SIPA1L3: variants seen among roughly 807,000 people sequenced by gnomAD.
SIPA1L3 encodes the protein signal-induced proliferation-associated 1-like protein 3.
In SIPA1L3, 59 loss-of-function variants were observed where a neutral mutation model predicts 150.1. That is an observed-to-expected ratio of 0.39 (90% CI 0.32 to 0.49). SIPA1L3 has a LOEUF of 0.49. SIPA1L3 is among the 20% of genes least tolerant of loss of function. The probability of loss-of-function intolerance (pLI) is 0.86; values close to 1 mark genes in which losing one functional copy is unlikely to be tolerated. For synonymous variants in SIPA1L3, 1,070 were observed against 1,077.6 expected (o/e 0.99, Z 0.14); for missense variants, 2,211 against 2,489.5 (o/e 0.89, Z 2.38).
At chr19:37,910,333 C>T (rs1042322504) in intron 1 of SIPA1L3, among the ~76,000 whole-genome samples, 2 of 151,972 alleles carry the variant, frequency 1.3e-5, no homozygotes, top group African/African-American at 2.4e-5. Context: ...ACTTTGGAGG[C>T]TGAGGTGGGT....
At chr19:37,912,347 A>G (rs865816545) in intron 1 of SIPA1L3, among the ~76,000 whole-genome samples, 22 of 152,066 alleles carry the variant, frequency 1.4e-4, no homozygotes, top group African/African-American at 5.1e-4. Flanking sequence ...ACTCTATCCT[A>G]TATTAGTTGT....
chr19:38,104,551 TGTGA>T (rs1229558493), intron 6 of SIPA1L3, among the ~76,000 whole-genome samples: 3 of 151,966 alleles, frequency 2.0e-5, no homozygotes, highest in African/African-American at 7.2e-5. Context: ...AGCTGGCAGG[TGTGA>T]GTGTTAGTAT....
chr19:38,060,538 T>C (rs540693890), intron 2 of SIPA1L3, among the ~76,000 whole-genome samples: 9 of 152,286 alleles, frequency 5.9e-5, no homozygotes, highest in Admixed American at 5.9e-4. Flanking sequence ...GCCCCAGTGG[T>C]GAGGACAGAA....
chr19:38,128,117 T>C (rs1256993908), intron 9 of SIPA1L3, among the ~76,000 whole-genome samples: 1 of 138,490 alleles, frequency 7.2e-6, no homozygotes, highest in Non-Finnish European at 1.5e-5. Flanking sequence ...TGCAGTAGCG[T>C]GATCTCGGCT....
At chr19:38,111,469 T>C (rs992261168) in intron 8 of SIPA1L3, among the ~76,000 whole-genome samples, 3 of 152,176 alleles carry the variant, frequency 2.0e-5, no homozygotes, top group African/African-American at 7.2e-5. Context: ...ACAGTCTTAT[T>C]TATAGTCTGA....
At chr19:38,179,851 T>C (rs1350815171) in intron 15 of SIPA1L3, among the ~76,000 whole-genome samples, 1 of 152,146 alleles carries the variant, frequency 6.6e-6, no homozygotes, top group African/African-American at 2.4e-5. Context: ...ACTTTTTTTT[T>C]CTTTTTTTTT....
chr19:37,976,761 CAG>C (rs138203554), intron 1 of SIPA1L3, among the ~76,000 whole-genome samples: 1,661 of 152,228 alleles, frequency 0.011, 30 homozygotes, highest in African/African-American at 0.037. Context: ...GTGTTTAGAA[CAG>C]TGTGTAGTGT....
At chr19:37,967,478 T>C (rs2046914676) in intron 1 of SIPA1L3, among the ~76,000 whole-genome samples, 1 of 152,124 alleles carries the variant, frequency 6.6e-6, no homozygotes, top group Non-Finnish European at 1.5e-5. Flanking sequence ...GATCTTGAAC[T>C]CCTGACCTCA....
Position 38,081,930 on chromosome 19 carries a change from A to G in SIPA1L3, c.365A>G (p.Asn122Ser), listed in dbSNP as rs1211541083. The G allele has an allele frequency of 6.2e-7, 1 of 1,614,114 alleles. No homozygotes were observed. The highest frequency in any genetic ancestry group is 8.5e-7 in the Non-Finnish European group (1 of 1,179,980). Residue 122 changes from asparagine to serine, a missense_variant, in exon 3 of 22, where the codon AAC becomes AGC. By Grantham distance (46) the Asn-to-Ser change is conservative (BLOSUM62 1). Coordinates refer to ENST00000222345, the MANE Select transcript of SIPA1L3 (RefSeq NM_015073.3). ...GCCCATTCCATGAGGAGCATACAGA[A>G]CGGACAGCCCCCCACCAGCACCCCG... is the stretch of plus-strand genomic sequence containing the variant. Reference protein sequence around the residue: ...KMAHSMRSIQNGQPPTSTPAS... With the variant: ...KMAHSMRSIQSGQPPTSTPAS...
chr19:38,158,361 A>G (rs540215480), intron 13 of SIPA1L3, among the ~76,000 whole-genome samples: 9 of 152,360 alleles, frequency 5.9e-5, no homozygotes, highest in South Asian at 4.1e-4. Flanking sequence ...GGATGAGAAC[A>G]TTCCAGGGAA....
At chr19:38,013,772 G>A (rs1410301225) in intron 1 of SIPA1L3, among the ~76,000 whole-genome samples, 2 of 152,150 alleles carry the variant, frequency 1.3e-5, no homozygotes, top group Non-Finnish European at 2.9e-5. Flanking sequence ...AAAAAACCCT[G>A]GAAATAAAAC....
intron 15 of SIPA1L3, among the ~76,000 whole-genome samples, chr19:38,172,043 T>C (rs934079557): frequency 5.9e-5 from 9 of 152,274 alleles, no homozygotes; most frequent in African/African-American, 2.2e-4. Context: ...GGTGGATTTG[T>C]GTTCCAAAAT....
chr19:38,077,946 T>C (rs1478694213), intron 2 of SIPA1L3, among the ~76,000 whole-genome samples: 1 of 152,096 alleles, frequency 6.6e-6, no homozygotes, highest in Non-Finnish European at 1.5e-5. Context: ...GCTGGGGTTA[T>C]AGGCATGAGC....
Position 38,207,690 on chromosome 19 carries a change from G to C in SIPA1L3, c.*1450G>C, listed in dbSNP as rs1233667436. 1.3e-5 allele frequency: 2 copies of C among 152,176 alleles called. No homozygotes were observed. Among genetic ancestry groups the C allele is most frequent in the Non-Finnish European group, 2.9e-5 (2 of 68,082 alleles). The allele number at this position is 152,176 out of a possible 1,614,324, so 9.4% of individuals were successfully genotyped here. A position where few individuals can be genotyped will look rare whatever the true frequency, so the allele number is the denominator to read the frequency against. On this transcript the variant is annotated 3_prime_UTR_variant, in exon 22 of 22. Coordinates refer to ENST00000222345, the MANE Select transcript of SIPA1L3 (RefSeq NM_015073.3). The stretch of plus-strand genomic sequence containing the variant: ...ACCAGGCAACCCGGCCCTTGTCCAG[G>C]GACCTCTGCTGCCTTCTCTCTGGGG...
chr19:38,051,175 C>T (rs1969189943), intron 2 of SIPA1L3, among the ~76,000 whole-genome samples: 1 of 152,208 alleles, frequency 6.6e-6, no homozygotes. Flanking sequence ...CTGGGTAGCA[C>T]ATAGGTTTTA....
intron 2 of SIPA1L3, among the ~76,000 whole-genome samples, chr19:38,049,014 G>A (rs1969124697): frequency 6.6e-6 from 1 of 151,916 alleles, no homozygotes; most frequent in Non-Finnish European, 1.5e-5. Context: ...CCCAGGAGGT[G>A]GAGGTTGCAG....
At chr19:38,177,378 T>C (rs934765345) in intron 15 of SIPA1L3, among the ~76,000 whole-genome samples, 1 of 125,856 alleles carries the variant, frequency 7.9e-6, no homozygotes, top group African/African-American at 3.0e-5. Flanking sequence ...AAAAAAAAAA[T>C]TCTAGTTTAT....
intron 1 of SIPA1L3, among the ~76,000 whole-genome samples, chr19:38,017,314 A>G (rs1384789209): frequency 5.3e-5 from 8 of 152,150 alleles, no homozygotes; most frequent in Non-Finnish European, 1.2e-4. Context: ...TGTCTTACTC[A>G]ATTTGAATCC....
chr19:38,062,066 G>A (rs750333635), intron 2 of SIPA1L3, among the ~76,000 whole-genome samples: 4 of 151,646 alleles, frequency 2.6e-5, no homozygotes, highest in Non-Finnish European at 4.4e-5. Flanking sequence ...AGGATGTATC[G>A]CGTGCTTGCC....
Sources: allele counts gnomAD v4.1 joint callset (sites outside exome capture counted in the v4.1 genomes callset), GRCh38; gene constraint gnomAD v4.1.1; transcripts MANE v1.5; gene names NCBI Gene and HGNC (gene_info 2026-07-23, HGNC 2026-07-21).